The following TNFRSF10A variants were observed in gnomAD, a reference collection of about 807,000 sequenced individuals.
TNFRSF10A encodes TNF receptor superfamily member 10a, also known as tumor necrosis factor receptor superfamily member 10A.
TNFRSF10A carries 44 observed loss-of-function variants against 42.8 expected under a neutral mutation model. The observed-to-expected ratio is 1.03, with a 90% confidence interval of 0.81 to 1.32. TNFRSF10A has a LOEUF of 1.32. Among genes scored for constraint, TNFRSF10A ranks in the 40% most tolerant of loss-of-function variants. The probability of loss-of-function intolerance (pLI) is 0.00; values close to 1 mark genes in which losing one functional copy is unlikely to be tolerated. For missense variants in TNFRSF10A, 680 were observed against 602.0 expected (o/e 1.13, Z -1.36); for synonymous variants, 259 against 234.2 (o/e 1.11, Z -0.97).
chr8:23,207,306 A>G (rs1479263028), intron 2 of TNFRSF10A: 1 of 599,722 alleles, frequency 1.7e-6, no homozygotes, highest in Non-Finnish European at 3.2e-6. Flanking sequence ...AGAAGAAGGC[A>G]TATGTTCGAC....
intron 2 of TNFRSF10A, among the ~76,000 whole-genome samples, chr8:23,205,311 C>T (rs941217501): frequency 1.3e-5 from 2 of 152,048 alleles, no homozygotes; most frequent in African/African-American, 2.4e-5. Context: ...AAATTCCTAT[C>T]GCTTAGTAAT....
At chr8:23,204,558 A>T (rs1206550873) in intron 2 of TNFRSF10A, among the ~76,000 whole-genome samples, 1 of 152,210 alleles carries the variant, frequency 6.6e-6, no homozygotes, top group Non-Finnish European at 1.5e-5. Flanking sequence ...ACTAGACTGG[A>T]CAGATGTCTA....
intron 6 of TNFRSF10A, 138 bp from the exon 7 acceptor site, chr8:23,200,055 G>T: frequency 2.9e-6 from 3 of 1,027,222 alleles, no homozygotes; most frequent in East Asian, 4.9e-5. Context: ...TCCACATGAG[G>T]CCCTGCTAAC....
chr8:23,221,624 T>A (rs1286354213), intron 1 of TNFRSF10A, among the ~76,000 whole-genome samples: 4 of 152,158 alleles, frequency 2.6e-5, no homozygotes, highest in African/African-American at 4.8e-5. Context: ...TGGCAGGAAC[T>A]GGCCCCAGCC....
chr8:23,207,271 A>C, intron 2 of TNFRSF10A: 1 of 598,600 alleles, frequency 1.7e-6, no homozygotes, highest in East Asian at 4.2e-5. Context: ...GCCAAGGTTC[A>C]ACACCCTGAT....
intron 3 of TNFRSF10A, 37 bp from the exon 4 acceptor site, chr8:23,201,956 C>T (rs779266121): frequency 6.3e-7 from 1 of 1,587,760 alleles, no homozygotes; most frequent in Non-Finnish European, 8.6e-7. Context: ...AATGTGTTTC[C>T]CTGACGTGTC....
chr8:23,194,927 C>G (rs971889112), intron 9 of TNFRSF10A, among the ~76,000 whole-genome samples: 1 of 152,084 alleles, frequency 6.6e-6, no homozygotes, highest in Non-Finnish European at 1.5e-5. Flanking sequence ...CCAAGGCAGG[C>G]GAATGTCTAT....
intron 2 of TNFRSF10A, among the ~76,000 whole-genome samples, chr8:23,209,038 G>T (rs1377368471): frequency 6.6e-6 from 1 of 152,146 alleles, no homozygotes; most frequent in Non-Finnish European, 1.5e-5. Context: ...GTGGAGTCTA[G>T]GGACTTGGTG....
At chr8:23,200,788 G>A (rs373116583) in intron 4 of TNFRSF10A, 28 bp from the exon 5 acceptor site, 5 of 1,531,110 alleles carry the variant, frequency 3.3e-6, no homozygotes, top group Admixed American at 1.7e-5. Flanking sequence ...GGGAGGGGGG[G>A]GACTCTTGAT....
intron 1 of TNFRSF10A, among the ~76,000 whole-genome samples, chr8:23,215,263 T>C (rs1209032915): frequency 1.3e-5 from 2 of 152,168 alleles, no homozygotes; most frequent in Admixed American, 1.3e-4. Flanking sequence ...ACGCCTGTAA[T>C]CCCAGCACTT....
In TNFRSF10A at chr8:23,212,209, C is replaced by G. The variant is rs1039881745; in HGVS notation, c.310G>C (p.Val104Leu). 2.6e-5 allele frequency: 42 copies of G among 1,612,760 alleles called. No homozygotes were observed. Among genetic ancestry groups the G allele is most frequent in the African/African-American group, 4.0e-5 (3 of 74,886 alleles). Residue 104 changes from valine (V) to leucine (L), a missense_variant, in exon 2 of 10, where the codon GTA becomes CTA. Val to Leu is a conservative substitution (Grantham distance 32, BLOSUM62 1). Transcript: ENST00000221132. ...FVVVGVLLQV[V>L]PSSAATIKLH... ...TTGATGGTTGCAGCTGAGCTAGGTACGACCTGTGGGGACAAAGCAGGGACT... is the reference window on the plus strand; with the variant it reads ...TTGATGGTTGCAGCTGAGCTAGGTAGGACCTGTGGGGACAAAGCAGGGACT...
At chr8:23,195,420 A>G (rs958795791) in intron 9 of TNFRSF10A, among the ~76,000 whole-genome samples, 5 of 152,164 alleles carry the variant, frequency 3.3e-5, no homozygotes, top group Non-Finnish European at 7.4e-5. Flanking sequence ...TTTGAGGCAT[A>G]TTTCTCTCTC....
intron 2 of TNFRSF10A, among the ~76,000 whole-genome samples, chr8:23,208,745 C>A (rs1011291153): frequency 6.6e-6 from 1 of 152,136 alleles, no homozygotes; most frequent in Non-Finnish European, 1.5e-5. Context: ...CATGAGCCAC[C>A]GCGCCTGGCC....
intron 1 of TNFRSF10A, among the ~76,000 whole-genome samples, chr8:23,213,107 T>C (rs1429221534): frequency 6.6e-6 from 1 of 152,224 alleles, no homozygotes; most frequent in Non-Finnish European, 1.5e-5. Context: ...TATTTCTTCA[T>C]GATTGAATAT....
intron 9 of TNFRSF10A, 39 bp from the exon 10 acceptor site, chr8:23,192,052 G>T: frequency 1.3e-6 from 2 of 1,581,834 alleles, no homozygotes; most frequent in South Asian, 1.1e-5. Flanking sequence ...AGATGAGTTG[G>T]GACTCAGTTC....
rs1388953946 is a variant in TNFRSF10A at position 23,190,717 on chromosome 8, T to C, written c.*977A>G. On this transcript the variant is annotated 3_prime_UTR_variant, in exon 10 of 10. Coordinates refer to ENST00000221132, the MANE Select transcript of TNFRSF10A (RefSeq NM_003844.4). Reference sequence around the variant, plus strand: ...ATGACTATATATGAAATGGGACTTATTGGAGGAATTAATGCATCTGATAAT... The same window carrying C: ...ATGACTATATATGAAATGGGACTTACTGGAGGAATTAATGCATCTGATAAT... 6.6e-6 allele frequency: 1 copy of C among 152,226 alleles called. No individual in the cohort carries two copies. The highest frequency in any genetic ancestry group is 1.5e-5 in the Non-Finnish European group (1 of 68,042). The allele number at this position is 152,226 out of a possible 1,614,324, so 9.4% of individuals were successfully genotyped here. A position where few individuals can be genotyped will look rare whatever the true frequency, so the allele number is the denominator to read the frequency against.
intron 2 of TNFRSF10A, among the ~76,000 whole-genome samples, chr8:23,209,896 G>T (rs1273796801): frequency 6.6e-6 from 1 of 152,298 alleles, no homozygotes; most frequent in South Asian, 2.1e-4. Context: ...ATGAGATGTG[G>T]GAGGGGCCAG....
rs527351876 is a variant in TNFRSF10A at position 23,217,705 on chromosome 8, C to T, written c.307-5493G>A. On this transcript the variant is annotated intron_variant, in intron 1 of 9. Transcript: ENST00000221132. ...TGAGGACGTCACATCTGCATTGGTGCGGGCTTCCTAGAACCCATGTTACTC... is the reference window on the plus strand; with the variant it reads ...TGAGGACGTCACATCTGCATTGGTGTGGGCTTCCTAGAACCCATGTTACTC... Among the ~76,000 whole-genome samples, 100 of 152,222 alleles carry T rather than the reference C, an allele frequency of 6.6e-4. 2 individuals are homozygous for T. The highest frequency in any genetic ancestry group is 2.5e-3 in the South Asian group (12 of 4,828).
intron 1 of TNFRSF10A, among the ~76,000 whole-genome samples, chr8:23,223,392 C>T (rs1446661452): frequency 6.6e-6 from 1 of 152,204 alleles, no homozygotes; most frequent in Non-Finnish European, 1.5e-5. Flanking sequence ...GCCACACCAA[C>T]GGACTGTGAC....
Sources: allele counts gnomAD v4.1 joint callset (sites outside exome capture counted in the v4.1 genomes callset), GRCh38; gene constraint gnomAD v4.1.1; transcripts MANE v1.5; gene names NCBI Gene and HGNC (gene_info 2026-07-23, HGNC 2026-07-21).